Variants in TTC28 observed in about 807,000 individuals in gnomAD.
The protein encoded by TTC28 is tetratricopeptide repeat domain 28.
Under a neutral mutation model 198.0 loss-of-function variants are expected in TTC28, and 61 were observed. The ratio of observed to expected loss-of-function variants is 0.31; its 90% CI spans 0.25 to 0.38. The LOEUF is 0.38. TTC28 is among the 10% of genes least tolerant of loss of function. The probability of loss-of-function intolerance (pLI) is 1.00; values close to 1 mark genes in which losing one functional copy is unlikely to be tolerated. For missense variants in TTC28, 2,678 were observed against 3,164.0 expected (o/e 0.85, Z 3.69); for synonymous variants, 1,171 against 1,297.8 (o/e 0.90, Z 2.10).
At chr22:28,043,258 A>G (rs921162484) in intron 12 of TTC28, among the ~76,000 whole-genome samples, 1 of 150,226 alleles carries the variant, frequency 6.7e-6, no homozygotes, top group Non-Finnish European at 1.5e-5. Flanking sequence ...AAAAAAAAAA[A>G]AAAAAAAAAA....
chr22:28,181,085 T>C (rs1923651005), intron 5 of TTC28, among the ~76,000 whole-genome samples: 1 of 152,220 alleles, frequency 6.6e-6, no homozygotes, highest in African/African-American at 2.4e-5. Context: ...TAGTTACAGC[T>C]TCTCCATGGT....
intron 2 of TTC28, among the ~76,000 whole-genome samples, chr22:28,526,978 G>C (rs1466049772): frequency 6.6e-6 from 1 of 151,902 alleles, no homozygotes; most frequent in Non-Finnish European, 1.5e-5. Context: ...GACTGTTCTT[G>C]AGCTCCTGAC....
chr22:28,422,303 T>C (rs1436688083), intron 2 of TTC28, among the ~76,000 whole-genome samples: 1 of 152,206 alleles, frequency 6.6e-6, no homozygotes, highest in East Asian at 1.9e-4. Flanking sequence ...GGCATATGTA[T>C]GAATGGCTTT....
At chr22:28,013,416 G>C (rs928427978) in intron 14 of TTC28, among the ~76,000 whole-genome samples, 1 of 152,216 alleles carries the variant, frequency 6.6e-6, no homozygotes, top group Non-Finnish European at 1.5e-5. Flanking sequence ...CAGTCAGAGG[G>C]CTGTGTTTGA....
intron 12 of TTC28, among the ~76,000 whole-genome samples, chr22:28,035,691 C>CTT (rs564911037): frequency 0.012 from 1,842 of 152,344 alleles, 18 homozygotes; most frequent in Non-Finnish European, 0.021. Context: ...AGACATGAGA[C>CTT]TTTGGGAACT....
chr22:28,590,034 C>CAAAAAAAAAAAAAAAAAAAAAAAA (rs71194779), intron 2 of TTC28, among the ~76,000 whole-genome samples: 7 of 68,054 alleles, frequency 1.0e-4, no homozygotes, highest in Non-Finnish European at 1.7e-4. Flanking sequence ...AAGACTCCAT[C>CAAAAAAAAAAAAAAAAAAAAAAAA]AAAAAAAAAA....
chr22:28,258,666 A>G (rs1196065059), intron 5 of TTC28, among the ~76,000 whole-genome samples: 1 of 152,168 alleles, frequency 6.6e-6, no homozygotes, highest in East Asian at 1.9e-4. Flanking sequence ...AACACTTTAC[A>G]GAAGAGGGAA....
chr22:28,679,171 C>A (rs561093520), intron 1 of TTC28, among the ~76,000 whole-genome samples: 1 of 152,302 alleles, frequency 6.6e-6, no homozygotes, highest in Admixed American at 6.5e-5. Flanking sequence ...CCTCCGGGGA[C>A]GAAGAGCTCA....
intron 2 of TTC28, among the ~76,000 whole-genome samples, chr22:28,541,529 C>A (rs1038396030): frequency 2.6e-5 from 4 of 152,060 alleles, no homozygotes; most frequent in Non-Finnish European, 4.4e-5. Flanking sequence ...AAACCAAATG[C>A]ACAACAGGAA....
chr22:28,076,638 G>A (rs1025148717), intron 12 of TTC28, among the ~76,000 whole-genome samples: 4 of 152,076 alleles, frequency 2.6e-5, no homozygotes, highest in African/African-American at 4.8e-5. Context: ...GTGCAGTGGC[G>A]CAACCATAGC....
intron 21 of TTC28, among the ~76,000 whole-genome samples, 162 bp from the exon 22 acceptor site, chr22:27,985,518 A>T (rs530320133): frequency 6.6e-6 from 1 of 152,214 alleles, no homozygotes; most frequent in Non-Finnish European, 1.5e-5. Context: ...GAGGTTGGTC[A>T]TGTGGCAGAG....
At chr22:28,292,976 A>G (rs2044816129) in intron 5 of TTC28, among the ~76,000 whole-genome samples, 1 of 152,160 alleles carries the variant, frequency 6.6e-6, no homozygotes, top group East Asian at 1.9e-4. Context: ...GATAAAATAC[A>G]TATTGCTGAA....
intron 2 of TTC28, among the ~76,000 whole-genome samples, chr22:28,404,188 CGGCTCATTGCAAGCTCT>C (rs1172683617): frequency 6.6e-6 from 1 of 152,086 alleles, no homozygotes; most frequent in Non-Finnish European, 1.5e-5. Flanking sequence ...GGCACCATCT[CGGCTCATTGCAAGCTCT>C]GCCTCCCTGG....
intron 1 of TTC28, among the ~76,000 whole-genome samples, chr22:28,672,924 A>G (rs2051912838): frequency 6.6e-6 from 1 of 152,230 alleles, no homozygotes; most frequent in Non-Finnish European, 1.5e-5. Context: ...AAACTAACAT[A>G]TAGTAATCTG....
chr22:28,452,219 C>G (rs907021538), intron 2 of TTC28, among the ~76,000 whole-genome samples: 13 of 151,768 alleles, frequency 8.6e-5, no homozygotes, highest in African/African-American at 3.1e-4. Context: ...GAAACCCCAT[C>G]TCTACTAAAA....
chr22:28,624,150 G>A (rs1334222349), intron 2 of TTC28, among the ~76,000 whole-genome samples: 1 of 152,168 alleles, frequency 6.6e-6, no homozygotes, highest in East Asian at 1.9e-4. Context: ...AGACTGACCA[G>A]AAAAGGGCAG....
At chr22:28,160,649 CAT>C (rs1264023539) in intron 6 of TTC28, among the ~76,000 whole-genome samples, 5 of 152,238 alleles carry the variant, frequency 3.3e-5, no homozygotes, top group African/African-American at 1.2e-4. Flanking sequence ...ATTACACTGA[CAT>C]GTGTTTATGT....
intron 12 of TTC28, among the ~76,000 whole-genome samples, chr22:28,087,247 A>C (rs970746591): frequency 5.9e-5 from 9 of 152,202 alleles, no homozygotes; most frequent in African/African-American, 1.9e-4. Flanking sequence ...ATGAACATTG[A>C]TGCAAAAATC....
intron 2 of TTC28, among the ~76,000 whole-genome samples, chr22:28,329,694 GTAGT>G (rs766582359): frequency 3.3e-5 from 5 of 151,980 alleles, no homozygotes; most frequent in Non-Finnish European, 7.4e-5. Context: ...GTTTTTTTAG[GTAGT>G]TATTTATGTG....
Sources: gnomAD v4.1 joint callset for allele counts (sites outside exome capture counted in the v4.1 genomes callset) on GRCh38, gnomAD v4.1.1 for gene constraint, MANE v1.5 for transcripts, NCBI Gene and HGNC (gene_info 2026-07-23, HGNC 2026-07-21) for gene names.